The following ROBO2 variants were observed in gnomAD, a reference collection of about 807,000 sequenced individuals.
ROBO2 encodes roundabout homolog 2.
Under a neutral mutation model 160.8 loss-of-function variants are expected in ROBO2, and 53 were observed. The ratio of observed to expected loss-of-function variants is 0.33; its 90% CI spans 0.26 to 0.41. The LOEUF (loss-of-function observed/expected upper bound fraction) is 0.41. ROBO2 is among the 10% of genes least tolerant of loss of function. The pLI, the probability that ROBO2 is intolerant of heterozygous loss-of-function variation, is 1.00. For synonymous variants in ROBO2, 664 were observed against 611.7 expected (o/e 1.09, Z -1.26); for missense variants, 1,577 against 1,722.4 (o/e 0.92, Z 1.49).
intron 1 of ROBO2, among the ~76,000 whole-genome samples, chr3:77,082,210 A>G (rs930016494): frequency 6.6e-6 from 1 of 152,228 alleles, no homozygotes; most frequent in African/African-American, 2.4e-5. Context: ...AAAAATTGCT[A>G]ACATTTGTTA....
At chr3:77,128,358 T>A (rs1377768427) in intron 2 of ROBO2, among the ~76,000 whole-genome samples, 3 of 152,114 alleles carry the variant, frequency 2.0e-5, no homozygotes, top group Non-Finnish European at 2.9e-5. Context: ...GGTTATCAGA[T>A]CAAAAAAACA....
chr3:77,317,149 G>A, intron 2 of ROBO2: 1 of 1,063,668 alleles, frequency 9.4e-7, no homozygotes, highest in South Asian at 1.3e-5. Flanking sequence ...AACGCATCTG[G>A]TACCCAGCCA....
chr3:76,173,418 G>A (rs2073116000), intron 2 of ROBO2, among the ~76,000 whole-genome samples: 1 of 151,912 alleles, frequency 6.6e-6, no homozygotes, highest in Non-Finnish European at 1.5e-5. Flanking sequence ...GTATACATGT[G>A]CCATGGTGGT....
intron 2 of ROBO2, among the ~76,000 whole-genome samples, chr3:76,407,982 A>G (rs899331617): frequency 1.3e-5 from 2 of 151,926 alleles, no homozygotes; most frequent in African/African-American, 2.4e-5. Context: ...TGCTAGTGTT[A>G]GTATATCTTA....
intron 2 of ROBO2, among the ~76,000 whole-genome samples, chr3:76,685,422 T>C (rs982492137): frequency 1.3e-5 from 2 of 152,136 alleles, no homozygotes; most frequent in African/African-American, 2.4e-5. Flanking sequence ...TTTTAAATTA[T>C]TGAAAAATTT....
chr3:76,482,624 C>T (rs1293441004), intron 2 of ROBO2, among the ~76,000 whole-genome samples: 1 of 152,116 alleles, frequency 6.6e-6, no homozygotes, highest in Non-Finnish European at 1.5e-5. Flanking sequence ...AAATGTCACT[C>T]TGATTGTCTC....
intron 2 of ROBO2, among the ~76,000 whole-genome samples, chr3:76,319,776 T>C (rs2072357290): frequency 6.6e-6 from 1 of 151,998 alleles, no homozygotes; most frequent in African/African-American, 2.4e-5. Flanking sequence ...AGAATGGCTT[T>C]CAAAATACAA....
At chr3:77,430,800 G>A (rs2078690886) in intron 2 of ROBO2, among the ~76,000 whole-genome samples, 1 of 152,124 alleles carries the variant, frequency 6.6e-6, no homozygotes. Flanking sequence ...TTTAGTTATA[G>A]CAACCAGAGC....
intron 2 of ROBO2, among the ~76,000 whole-genome samples, chr3:76,981,939 A>G (rs1342813917): frequency 1.3e-5 from 2 of 152,162 alleles, no homozygotes; most frequent in Admixed American, 1.3e-4. Flanking sequence ...CCAAGCCATG[A>G]GGGATGCACC....
chr3:75,984,059 C>T (rs1045793514), intron 2 of ROBO2, among the ~76,000 whole-genome samples: 3 of 151,304 alleles, frequency 2.0e-5, no homozygotes, highest in South Asian at 2.1e-4. Flanking sequence ...GTGACTGAAA[C>T]ATCATTACAA....
intron 2 of ROBO2, among the ~76,000 whole-genome samples, chr3:76,493,964 G>C (rs776922289): frequency 1.3e-5 from 2 of 152,046 alleles, no homozygotes; most frequent in Non-Finnish European, 2.9e-5. Context: ...TTTAAAGTAC[G>C]TCCATAAGAT....
At chr3:76,431,274 C>T (rs1291069667) in intron 2 of ROBO2, among the ~76,000 whole-genome samples, 1 of 151,878 alleles carries the variant, frequency 6.6e-6, no homozygotes, top group Non-Finnish European at 1.5e-5. Context: ...TATATCCAAC[C>T]CTTAGTAATT....
intron 2 of ROBO2, among the ~76,000 whole-genome samples, chr3:76,620,923 T>C (rs2089020433): frequency 6.6e-6 from 1 of 152,220 alleles, no homozygotes; most frequent in South Asian, 2.1e-4. Flanking sequence ...GTTTTTAATT[T>C]TAGATGTATA....
At chr3:76,350,176 G>A (rs373660710) in intron 2 of ROBO2, among the ~76,000 whole-genome samples, 6 of 152,142 alleles carry the variant, frequency 3.9e-5, no homozygotes, top group East Asian at 3.9e-4. Flanking sequence ...ACACACTTGG[G>A]AATGAATTTA....
chr3:76,487,218 G>A (rs1454143885), intron 2 of ROBO2, among the ~76,000 whole-genome samples: 2 of 151,256 alleles, frequency 1.3e-5, no homozygotes, highest in Non-Finnish European at 2.9e-5. Flanking sequence ...GACCTCAAGC[G>A]ATTCTCCTGC....
chr3:75,940,331 A>G (rs1040245112), intron 2 of ROBO2, among the ~76,000 whole-genome samples: 1 of 152,214 alleles, frequency 6.6e-6, no homozygotes, highest in African/African-American at 2.4e-5. Flanking sequence ...TGAATTCTAA[A>G]TAAGAATGTA....
intron 2 of ROBO2, among the ~76,000 whole-genome samples, chr3:76,112,545 C>T (rs186199398): frequency 2.8e-4 from 42 of 151,982 alleles, no homozygotes; most frequent in African/African-American, 9.9e-4. Flanking sequence ...GGTAATATAT[C>T]TGTTGAATTA....
At chr3:76,931,402 C>T (rs1577584031) in intron 2 of ROBO2, among the ~76,000 whole-genome samples, 1 of 152,086 alleles carries the variant, frequency 6.6e-6, no homozygotes, top group African/African-American at 2.4e-5. Flanking sequence ...CCATTGGAGA[C>T]ACATTTTCTG....
chr3:77,582,389 T>G (rs894635092), intron 16 of ROBO2, among the ~76,000 whole-genome samples: 11 of 152,286 alleles, frequency 7.2e-5, no homozygotes, highest in African/African-American at 1.9e-4. Flanking sequence ...CTAGCCAGTC[T>G]TGTTTTTTTT....
Sources: gnomAD v4.1 joint callset for allele counts (sites outside exome capture counted in the v4.1 genomes callset) on GRCh38, gnomAD v4.1.1 for gene constraint, MANE v1.5 for transcripts, NCBI Gene and HGNC (gene_info 2026-07-23, HGNC 2026-07-21) for gene names.